CAMK1: variants seen among roughly 807,000 people sequenced by gnomAD.
CAMK1 encodes the protein calcium/calmodulin-dependent protein kinase type 1.
Under a neutral mutation model 49.1 loss-of-function variants are expected in CAMK1, and 39 were observed. That is an observed-to-expected ratio of 0.79 (90% CI 0.62 to 1.04). The LOEUF (loss-of-function observed/expected upper bound fraction) is 1.04, where lower values mean the gene tolerates loss of function less well. CAMK1 is among the 50% of genes least tolerant of loss of function. The pLI is 0.00. For missense variants in CAMK1, 457 were observed against 472.2 expected (o/e 0.97, Z 0.30); for synonymous variants, 192 against 185.2 (o/e 1.04, Z -0.30).
Position 9,767,572 on chromosome 3 carries a change from T to G in CAMK1, c.83+95A>C, listed in dbSNP as rs2078188651. ...GATAGTGCTGCCACAGGGCCTGGGC[T>G]GTGGGAAACAGGAAGCATTAATTGA... On this transcript the variant is annotated intron_variant, in intron 2 of 11. Transcript: ENST00000256460. 4.0e-6 allele frequency: 6 copies of G among 1,518,584 alleles called. No homozygotes were observed. In the Admixed American group the frequency reaches 6.8e-5, roughly 17 times the overall value. The allele number at this position is 1,518,584 out of a possible 1,614,324, so 94.1% of individuals were successfully genotyped here. A position where few individuals can be genotyped will look rare whatever the true frequency, so the allele number is the denominator to read the frequency against.
At chr3:9,769,625 A>G (rs770429156) in intron 1 of CAMK1, among the ~76,000 whole-genome samples, 51 of 152,000 alleles carry the variant, frequency 3.4e-4, no homozygotes, top group Non-Finnish European at 5.4e-4. Context: ...CCCCTTCTCT[A>G]TTACCCACTC....
chr3:9,762,483 T>C (rs941174420), intron 5 of CAMK1, among the ~76,000 whole-genome samples: 1 of 152,204 alleles, frequency 6.6e-6, no homozygotes, highest in African/African-American at 2.4e-5. Flanking sequence ...TCCAAGTGAT[T>C]CGCCTGCCTC....
chr3:9,767,942 G>A lies in CAMK1; in HGVS notation c.-32-161C>T, dbSNP rs1331521143. 4.0e-6 allele frequency: 3 copies of A among 758,932 alleles called. No homozygotes were observed. In the African/African-American group the frequency reaches 5.7e-5, roughly 14 times the overall value. 47.0% of individuals were successfully genotyped at this position (758,932 alleles called of 1,614,324 possible). A position where few individuals can be genotyped will look rare whatever the true frequency, so the allele number is the denominator to read the frequency against. On this transcript the variant is annotated intron_variant, in intron 1 of 11. Transcript: ENST00000256460. ...CATTCATTTGTTTATTCAACATTCA[G>A]CAAATTCTCATGCCTAGAGAAAAAC... is the stretch of plus-strand genomic sequence containing the variant.
At chr3:9,763,482 C>G (rs1302513874) in intron 3 of CAMK1, among the ~76,000 whole-genome samples, 4 of 151,534 alleles carry the variant, frequency 2.6e-5, no homozygotes, top group African/African-American at 9.7e-5. Context: ...TGCCTACATA[C>G]CTGGGTAGGA....
chr3:9,757,579 G>T lies in CAMK1; in HGVS notation c.1073C>A (p.Pro358Gln). 6.2e-7 allele frequency: 1 copy of T among 1,614,104 alleles called. No homozygotes were observed. The highest frequency in any genetic ancestry group is 8.5e-7 in the Non-Finnish European group (1 of 1,180,014). Residue 358 changes from proline (P) to glutamine (Q), a missense_variant, in exon 12 of 12, where the codon CCG becomes CAG. Physicochemically the swap from Pro to Gln is moderately conservative, Grantham distance 76. Transcript: ENST00000256460. The surrounding 1 kb of genome is among the most constrained non-coding windows in gnomAD (Gnocchi z 4.5). ...GCCCRDCCVE[P>Q]GTELSPTLPH... The stretch of plus-strand genomic sequence containing the variant: ...CAGTGTGGGGGACAGTTCTGTGCCC[G>T]GCTCCACGCAGCAGTCTCGACAGCA...
intron 5 of CAMK1, among the ~76,000 whole-genome samples, chr3:9,762,522 A>G (rs979227159): frequency 6.6e-6 from 1 of 152,232 alleles, no homozygotes; most frequent in African/African-American, 2.4e-5. Flanking sequence ...GATTACAGGC[A>G]TCTGCCACCA....
intron 3 of CAMK1, among the ~76,000 whole-genome samples, chr3:9,764,354 C>G (rs987972936): frequency 6.6e-6 from 1 of 151,884 alleles, no homozygotes; most frequent in Admixed American, 6.6e-5. Context: ...GGAGTGTTGC[C>G]CAGGCTGGAG....
intron 8 of CAMK1, chr3:9,759,960 T>G (rs1381022442): frequency 1.5e-6 from 1 of 653,056 alleles, no homozygotes; most frequent in Non-Finnish European, 2.5e-6. Flanking sequence ...GAAAAACATA[T>G]GGCCGGGCAC....
At chr3:9,759,868 T>A in intron 8 of CAMK1, 118 bp from the exon 9 acceptor site, 3 of 1,563,804 alleles carry the variant, frequency 1.9e-6, no homozygotes, top group Non-Finnish European at 2.6e-6. Flanking sequence ...GCCAAATCAG[T>A]CCATGCCCCA....
chr3:9,759,112 C>G, intron 10 of CAMK1: 3 of 1,242,330 alleles, frequency 2.4e-6, no homozygotes, highest in Non-Finnish European at 3.6e-6. Context: ...TCTGGCCAGG[C>G]TTAGCACTTG....
chr3:9,760,352 A>T (rs923166833), intron 8 of CAMK1: 1 of 297,888 alleles, frequency 3.4e-6, no homozygotes, highest in African/African-American at 2.2e-5. Flanking sequence ...GGGGGCACAA[A>T]AGGAGGATGA....
At chr3:9,764,633 T>C (rs1298617111) in intron 3 of CAMK1, among the ~76,000 whole-genome samples, 1 of 147,556 alleles carries the variant, frequency 6.8e-6, no homozygotes. Flanking sequence ...TTTTTGTTTT[T>C]TTTTTTTTTT....
At chr3:9,766,020 A>C (rs1248674655) in intron 2 of CAMK1, 130 bp from the exon 3 acceptor site, 12 of 1,613,718 alleles carry the variant, frequency 7.4e-6, no homozygotes, top group Non-Finnish European at 1.0e-5. Context: ...CTAGTCACTC[A>C]TCCATCCCCT....
intron 5 of CAMK1, 175 bp from the exon 6 acceptor site, chr3:9,761,932 G>T: frequency 1.1e-6 from 1 of 923,016 alleles, no homozygotes; most frequent in Non-Finnish European, 1.6e-6. Context: ...TTCCAGGAAG[G>T]ACAAGGCTCA....
rs1258139322 is a variant in CAMK1, at chr3:9,761,723, T to C, written c.464A>G (p.Asp155Gly). 1.2e-6 allele frequency: 2 copies of C among 1,613,932 alleles called. No homozygotes were observed. The highest frequency in any genetic ancestry group is 4.5e-5 in the East Asian group (2 of 44,874). The change falls in exon 6 of 12, where the codon GAC becomes GGC. Residue 155 changes from aspartate (D) to glycine (G), a missense_variant. Coordinates refer to ENST00000256460, the MANE Select transcript of CAMK1 (RefSeq NM_003656.5). ...ENLLYYSLDEDSKIMISDFGL... is the reference protein window; with the variant it reads ...ENLLYYSLDEGSKIMISDFGL... ...AAAGTCGGAGATCATGATTTTGGAG[T>C]CTTCATCCAGGCTGTAGTACAGCAG...
intron 2 of CAMK1, chr3:9,766,325 C>G (rs2078150468): frequency 2.9e-6 from 2 of 691,634 alleles, no homozygotes; most frequent in African/African-American, 1.8e-5. Flanking sequence ...AGGTCTACCC[C>G]TGGGCTTTTG....
intron 1 of CAMK1, among the ~76,000 whole-genome samples, chr3:9,769,177 C>T (rs2078237904): frequency 6.6e-6 from 1 of 151,910 alleles, no homozygotes; most frequent in Non-Finnish European, 1.5e-5. Context: ...ATCCAAACAT[C>T]CCTCACCCAG....
chr3:9,761,236 G>A, intron 7 of CAMK1: 1 of 484,480 alleles, frequency 2.1e-6, no homozygotes. Flanking sequence ...CTGAGGGCAG[G>A]CACTTTGTCT....
At position 9,763,174 on chromosome 3, in the gene CAMK1, A is replaced by G; in HGVS notation, c.255T>C (p.Tyr85=). The change falls in exon 4 of 12, where the codon TAT becomes TAC. Residue 85 remains tyrosine, a synonymous_variant. Coordinates refer to ENST00000256460, the MANE Select transcript of CAMK1 (RefSeq NM_003656.5). The part of the protein sequence containing the change: ...HPNIVALDDI[Y]ESGGHLYLIM... ...TGAGGTAGAGGTGGCCCCCACTCTCATAGATGTCATCCAGGGCTACAATGT... is the reference window on the plus strand; with the variant it reads ...TGAGGTAGAGGTGGCCCCCACTCTCGTAGATGTCATCCAGGGCTACAATGT... 1 of 1,614,088 alleles carries G rather than the reference A, an allele frequency of 6.2e-7. No homozygotes were observed. Among genetic ancestry groups the G allele is most frequent in the Non-Finnish European group, 8.5e-7 (1 of 1,180,034 alleles).
Sources: gnomAD v4.1 joint callset for allele counts (sites outside exome capture counted in the v4.1 genomes callset) on GRCh38, gnomAD v4.1.1 for gene constraint, Gnocchi (gnomAD v3.1) non-coding constraint, MANE v1.5 for transcripts, NCBI Gene and HGNC (gene_info 2026-07-23, HGNC 2026-07-21) for gene names.